Variants in NBEA observed in about 807,000 individuals in gnomAD.
The protein encoded by NBEA is neurobeachin, also known as lysosomal-trafficking regulator 2.
A neutral mutation model predicts 343.4 loss-of-function variants in NBEA; 44 were observed. The ratio of observed to expected loss-of-function variants is 0.13; its 90% CI spans 0.10 to 0.16. The LOEUF is 0.16. Among genes scored for constraint, NBEA ranks in the 10% least tolerant of loss-of-function variants. The probability of loss-of-function intolerance (pLI) is 1.00; values close to 1 mark genes in which losing one functional copy is unlikely to be tolerated. For synonymous variants in NBEA, 1,175 were observed against 1,238.7 expected (o/e 0.95, Z 1.08); for missense variants, 2,555 against 3,631.3 (o/e 0.70, Z 7.62).
chr13:35,149,869 A>G (rs2152702951), intron 18 of NBEA, among the ~76,000 whole-genome samples: 1 of 152,332 alleles, frequency 6.6e-6, no homozygotes, highest in South Asian at 2.1e-4. Flanking sequence ...ATATACATGT[A>G]TACACACATA....
chr13:34,943,066 G>A lies in NBEA; in HGVS notation c.246G>A (p.Gln82=). 2 of 1,613,730 alleles carry A rather than the reference G, an allele frequency of 1.2e-6. No individual in the cohort carries two copies. Among genetic ancestry groups the A allele is most frequent in the Non-Finnish European group, 1.7e-6 (2 of 1,179,778 alleles). Residue 82 remains glutamine, a synonymous_variant, in exon 1 of 59, where the codon CAG becomes CAA. Transcript: ENST00000379939. ...MKFAVLIGLI[Q]VGEVSNRDIV... ...TCGCAGTGTTGATTGGACTCATACA[G>A]GTCGGAGAGGTCAGCAACAGGGACA...
intron 41 of NBEA, among the ~76,000 whole-genome samples, chr13:35,487,727 C>G (rs564291647): frequency 6.6e-6 from 1 of 152,060 alleles, no homozygotes; most frequent in Admixed American, 6.6e-5. Flanking sequence ...CCCCTACTTT[C>G]CCTTCTGAAT....
At chr13:35,650,668 C>G (rs1411651606) in intron 52 of NBEA, among the ~76,000 whole-genome samples, 1 of 152,176 alleles carries the variant, frequency 6.6e-6, no homozygotes, top group Non-Finnish European at 1.5e-5. Context: ...CGCCACTGCA[C>G]TCCAGCCTGG....
chr13:35,376,688 C>A (rs2041759809), intron 38 of NBEA, among the ~76,000 whole-genome samples: 1 of 152,014 alleles, frequency 6.6e-6, no homozygotes, highest in African/African-American at 2.4e-5. Flanking sequence ...GAATAGGATT[C>A]CCCCATTCTG....
At chr13:35,198,580 A>G (rs1029961714) in intron 31 of NBEA, among the ~76,000 whole-genome samples, 1 of 152,176 alleles carries the variant, frequency 6.6e-6, no homozygotes, top group Non-Finnish European at 1.5e-5. Flanking sequence ...TTATGTTCCT[A>G]TAGCATTTGT....
chr13:35,652,691 T>C (rs112789045), intron 53 of NBEA, among the ~76,000 whole-genome samples: 1,239 of 81,982 alleles, frequency 0.015, 13 homozygotes, highest in South Asian at 0.021. Flanking sequence ...TGGCAGTCTT[T>C]TTTTTTTTTT....
At chr13:35,373,806 A>G (rs2041587256) in intron 38 of NBEA, among the ~76,000 whole-genome samples, 2 of 152,164 alleles carry the variant, frequency 1.3e-5, no homozygotes, top group South Asian at 2.1e-4. Flanking sequence ...CTTAATTTGT[A>G]TCATCTTCAT....
At chr13:35,628,909 C>A (rs1439850905) in intron 49 of NBEA, among the ~76,000 whole-genome samples, 1 of 152,028 alleles carries the variant, frequency 6.6e-6, no homozygotes, top group African/African-American at 2.4e-5. Flanking sequence ...CAGAGCGAGA[C>A]CCTATCTCAA....
intron 40 of NBEA, among the ~76,000 whole-genome samples, chr13:35,452,441 C>T (rs894763455): frequency 5.9e-5 from 9 of 152,066 alleles, no homozygotes; most frequent in African/African-American, 1.7e-4. Context: ...AAATGAATAT[C>T]ATCAAATTTC....
At chr13:34,974,517 C>T (rs2060102247) in intron 1 of NBEA, among the ~76,000 whole-genome samples, 2 of 152,190 alleles carry the variant, frequency 1.3e-5, no homozygotes, top group East Asian at 3.9e-4. Context: ...TGGCAGTGGG[C>T]CAGAACTGAC....
At chr13:34,961,276 G>GA (rs943133675) in intron 1 of NBEA, among the ~76,000 whole-genome samples, 16 of 152,024 alleles carry the variant, frequency 1.1e-4, no homozygotes, top group African/African-American at 1.7e-4. Context: ...TTATTCCTGA[G>GA]AAAAAACCAC....
At chr13:35,631,108 T>A (rs1447984077) in intron 49 of NBEA, among the ~76,000 whole-genome samples, 1 of 152,176 alleles carries the variant, frequency 6.6e-6, no homozygotes, top group African/African-American at 2.4e-5. Context: ...GCTGGGTAAG[T>A]GAGGCCGAGT....
chr13:35,564,698 A>G (rs1237117991), intron 44 of NBEA, among the ~76,000 whole-genome samples: 1 of 152,170 alleles, frequency 6.6e-6, no homozygotes, highest in Non-Finnish European at 1.5e-5. Flanking sequence ...ACTTAAACAC[A>G]AGCAGGTTCA....
At chr13:35,135,771 A>ATC (rs561830714) in intron 17 of NBEA, among the ~76,000 whole-genome samples, 227 of 151,632 alleles carry the variant, frequency 1.5e-3, no homozygotes, top group African/African-American at 5.4e-3. Flanking sequence ...ATACGTGTAT[A>ATC]TCTATATATA....
At chr13:35,551,915 A>G (rs1207110020) in intron 43 of NBEA, among the ~76,000 whole-genome samples, 1 of 152,242 alleles carries the variant, frequency 6.6e-6, no homozygotes, top group African/African-American at 2.4e-5. Context: ...CCCTTTGGCC[A>G]GAATACAGTC....
chr13:35,195,689 G>A (rs575594028), intron 30 of NBEA, among the ~76,000 whole-genome samples, 175 bp from the exon 31 acceptor site: 18 of 152,242 alleles, frequency 1.2e-4, no homozygotes, highest in Non-Finnish European at 1.8e-4. Flanking sequence ...GAGCCATCAT[G>A]TCTGGCTGGA....
rs948911416 is a variant in NBEA, at chr13:34,942,689, G to C, written c.-132G>C. On this transcript the variant is annotated 5_prime_UTR_variant, in exon 1 of 59. Transcript: ENST00000379939. ...CCGGGCTGAGGCGCAGGCGGGGAGC[G>C]GGCCCGGCGCCGCGGCGCTGGTGGA... 2 of 602,350 alleles carry C rather than the reference G, an allele frequency of 3.3e-6. No individual in the cohort carries two copies. The highest frequency in any genetic ancestry group is 4.8e-6 in the Non-Finnish European group (2 of 419,198). The allele number at this position is 602,350 out of a possible 1,614,324, so 37.3% of individuals were successfully genotyped here.
intron 1 of NBEA, among the ~76,000 whole-genome samples, chr13:34,988,746 A>G (rs1184660041): frequency 6.6e-6 from 1 of 150,914 alleles, no homozygotes; most frequent in African/African-American, 2.4e-5. Context: ...ACTTTATCTA[A>G]TAGTTATATT....
intron 16 of NBEA, among the ~76,000 whole-genome samples, chr13:35,121,227 C>T (rs1299789133): frequency 1.3e-5 from 2 of 152,078 alleles, no homozygotes; most frequent in African/African-American, 4.8e-5. Flanking sequence ...GCCTTAGCTT[C>T]CCAAGTAACT....
Sources: allele counts gnomAD v4.1 joint callset (sites outside exome capture counted in the v4.1 genomes callset), GRCh38; gene constraint gnomAD v4.1.1; transcripts MANE v1.5; gene names NCBI Gene and HGNC (gene_info 2026-07-23, HGNC 2026-07-21).